Variants in GPR158 observed in about 807,000 individuals in gnomAD.
GPR158 encodes the protein metabotropic glycine receptor.
GPR158 carries 30 observed loss-of-function variants against 78.2 expected under a neutral mutation model. That is an observed-to-expected ratio of 0.38 (90% CI 0.29 to 0.52). The LOEUF is 0.52. Ranked by LOEUF, GPR158 falls within the 20% of genes least tolerant of loss-of-function variation. GPR158 has a pLI of 0.83. For missense variants in GPR158, 1,463 were observed against 1,523.5 expected (o/e 0.96, Z 0.66); for synonymous variants, 581 against 591.1 (o/e 0.98, Z 0.25).
chr10:25,576,848 C>A (rs4749050), intron 7 of GPR158, among the ~76,000 whole-genome samples: 33,107 of 151,484 alleles, frequency 0.22, 4,555 homozygotes, highest in Non-Finnish European at 0.31. Flanking sequence ...GTGCAGGGAC[C>A]AAGAAGAGGA....
intron 2 of GPR158, among the ~76,000 whole-genome samples, chr10:25,230,010 T>C (rs377292823): frequency 1.3e-5 from 2 of 152,214 alleles, no homozygotes; most frequent in Non-Finnish European, 2.9e-5. Flanking sequence ...TCGTTTGTTA[T>C]AGGGCTTTAT....
intron 1 of GPR158, among the ~76,000 whole-genome samples, chr10:25,197,322 G>A (rs1388191198): frequency 6.6e-6 from 1 of 152,098 alleles, no homozygotes; most frequent in African/African-American, 2.4e-5. Context: ...CTGACCATAT[G>A]TAGTTGTAAT....
intron 7 of GPR158, among the ~76,000 whole-genome samples, chr10:25,581,086 G>A (rs1018770521): frequency 3.2e-4 from 48 of 151,082 alleles, no homozygotes; most frequent in Admixed American, 1.1e-3. Flanking sequence ...CACCGCGCCC[G>A]GCTAATTTTT....
intron 5 of GPR158, among the ~76,000 whole-genome samples, chr10:25,540,533 G>C (rs1386655488): frequency 6.6e-6 from 1 of 152,106 alleles, no homozygotes; most frequent in East Asian, 1.9e-4. Context: ...CAAAGACTTG[G>C]AACCAACCCA....
At chr10:25,290,862 C>T (rs1422795569) in intron 2 of GPR158, among the ~76,000 whole-genome samples, 1 of 151,934 alleles carries the variant, frequency 6.6e-6, no homozygotes, top group East Asian at 1.9e-4. Context: ...ATCAAATGTA[C>T]TCTATGCCTT....
intron 2 of GPR158, 38 bp from the exon 3 acceptor site, chr10:25,395,873 C>A: frequency 2.0e-6 from 2 of 981,300 alleles, no homozygotes; most frequent in Non-Finnish European, 3.3e-6. Context: ...ATGAGATAAG[C>A]CATGATCAAC....
chr10:25,419,060 G>A (rs1834709153), intron 4 of GPR158, among the ~76,000 whole-genome samples: 1 of 151,936 alleles, frequency 6.6e-6, no homozygotes, highest in Non-Finnish European at 1.5e-5. Context: ...AGTTAGGTAT[G>A]TCATATTTTT....
chr10:25,434,728 C>T (rs1369492318), intron 4 of GPR158, among the ~76,000 whole-genome samples: 1 of 152,110 alleles, frequency 6.6e-6, no homozygotes, highest in African/African-American at 2.4e-5. Flanking sequence ...CGTTAAAGTC[C>T]ATCTATCTAG....
chr10:25,590,170 A>G (rs969057453), intron 8 of GPR158, among the ~76,000 whole-genome samples: 1 of 152,164 alleles, frequency 6.6e-6, no homozygotes, highest in Non-Finnish European at 1.5e-5. Context: ...GTGATCTTGC[A>G]TCTTTAGAAA....
chr10:25,220,649 ATAGAAG>A (rs1853287316), intron 1 of GPR158, among the ~76,000 whole-genome samples: 1 of 152,218 alleles, frequency 6.6e-6, no homozygotes, highest in Non-Finnish European at 1.5e-5. Flanking sequence ...GCAATGGGAA[ATAGAAG>A]TAGAAAGAAA....
intron 2 of GPR158, among the ~76,000 whole-genome samples, chr10:25,342,784 T>C (rs1855320102): frequency 6.6e-6 from 1 of 151,812 alleles, no homozygotes; most frequent in African/African-American, 2.4e-5. Flanking sequence ...TCTTTTTTTT[T>C]TTTTTTCTCA....
intron 5 of GPR158, among the ~76,000 whole-genome samples, chr10:25,516,583 C>A (rs1236967783): frequency 1.9e-4 from 24 of 126,582 alleles, no homozygotes; most frequent in African/African-American, 5.1e-4. Context: ...TCAGCTTTCT[C>A]CATATGGCTA....
chr10:25,192,770 AAAG>A (rs1190333410), intron 1 of GPR158, among the ~76,000 whole-genome samples: 5 of 152,076 alleles, frequency 3.3e-5, no homozygotes, highest in Middle Eastern at 3.2e-3. Context: ...ATAATAAAAA[AAAG>A]GTAGAAAAAT....
intron 6 of GPR158, among the ~76,000 whole-genome samples, chr10:25,569,513 C>A (rs922291243): frequency 6.6e-6 from 1 of 152,126 alleles, no homozygotes; most frequent in African/African-American, 2.4e-5. Context: ...TTCTCTGAAG[C>A]ACTGTTTCTC....
intron 2 of GPR158, among the ~76,000 whole-genome samples, chr10:25,354,118 C>G (rs1156574846): frequency 6.6e-6 from 1 of 151,966 alleles, no homozygotes; most frequent in Non-Finnish European, 1.5e-5. Flanking sequence ...CTTTAGGAGG[C>G]CAAGGTGGGT....
intron 2 of GPR158, among the ~76,000 whole-genome samples, chr10:25,253,710 C>G (rs555779720): frequency 1.1e-4 from 16 of 152,188 alleles, no homozygotes; most frequent in African/African-American, 3.1e-4. Context: ...ATATATCACA[C>G]TTTGATAGTT....
At chr10:25,586,751 T>C (rs1837274704) in intron 7 of GPR158, among the ~76,000 whole-genome samples, 1 of 152,138 alleles carries the variant, frequency 6.6e-6, no homozygotes, top group South Asian at 2.1e-4. Context: ...GTGACTGGGT[T>C]AACCCAAATG....
intron 5 of GPR158, among the ~76,000 whole-genome samples, chr10:25,472,925 T>G (rs1054537819): frequency 1.3e-5 from 2 of 152,114 alleles, no homozygotes; most frequent in Non-Finnish European, 2.9e-5. Context: ...CTTCCTCTTT[T>G]CCTAATTGAA....
intron 6 of GPR158, among the ~76,000 whole-genome samples, chr10:25,563,174 T>A (rs1391533371): frequency 6.6e-6 from 1 of 152,024 alleles, no homozygotes; most frequent in South Asian, 2.1e-4. Context: ...GTAACTCTTA[T>A]AGAAAACATA....
Sources: gnomAD v4.1 joint callset for allele counts (sites outside exome capture counted in the v4.1 genomes callset) on GRCh38, gnomAD v4.1.1 for gene constraint, MANE v1.5 for transcripts, NCBI Gene and HGNC (gene_info 2026-07-23, HGNC 2026-07-21) for gene names.